TTC34: variants seen among roughly 807,000 people sequenced by gnomAD.
TTC34 encodes tetratricopeptide repeat domain 34.
In TTC34, 44 loss-of-function variants were observed where a neutral mutation model predicts 40.7. That is an observed-to-expected ratio of 1.08 (90% CI 0.85 to 1.39). TTC34 has a LOEUF of 1.39. Ranked by LOEUF, TTC34 falls within the 40% of genes most tolerant of loss-of-function variation. The pLI is 0.00. For synonymous variants in TTC34, 422 were observed against 398.6 expected, an observed-to-expected ratio of 1.06 and a Z score of -0.70; for missense variants, 884 against 838.0, an observed-to-expected ratio of 1.05 and a Z score of -0.68.
At chr1:2,649,490 T>TGAGC (rs1231752046) in intron 6 of TTC34, among the ~76,000 whole-genome samples, 4 of 151,732 alleles carry the variant, frequency 2.6e-5, no homozygotes, top group Non-Finnish European at 4.4e-5. Context: ...CACCCCAAGG[T>TGAGC]GAGCATTTGA....
At chr1:2,688,084 G>A (rs1178021780) in intron 6 of TTC34, among the ~76,000 whole-genome samples, 8 of 134,122 alleles carry the variant, frequency 6.0e-5, no homozygotes, top group African/African-American at 1.8e-4. Context: ...ACAGCACCCT[G>A]CACCCCCAGG....
intron 4 of TTC34, among the ~76,000 whole-genome samples, chr1:2,787,241 C>A (rs192840628): frequency 2.6e-5 from 4 of 152,182 alleles, no homozygotes; most frequent in Admixed American, 2.6e-4. Context: ...GGGAAACTGC[C>A]GGCCCCGGGG....
chr1:2,751,523 T>C (rs1641318849), intron 6 of TTC34, among the ~76,000 whole-genome samples: 5 of 46,520 alleles, frequency 1.1e-4, no homozygotes, highest in Admixed American at 5.7e-4. Context: ...AACAGCACCC[T>C]GCACCCCCAG....
At chr1:2,794,287 A>C (rs1343541837) in intron 2 of TTC34, among the ~76,000 whole-genome samples, 1 of 152,204 alleles carries the variant, frequency 6.6e-6, no homozygotes, top group African/African-American at 2.4e-5. Context: ...GATTACAGGC[A>C]TGAGCCACTG....
intron 6 of TTC34, among the ~76,000 whole-genome samples, chr1:2,686,215 C>G (rs555651041): frequency 0.011 from 1,623 of 142,592 alleles, 24 homozygotes; most frequent in African/African-American, 0.035. Context: ...AGGCGAGCAT[C>G]TGACAGCCTG....
At chr1:2,769,544 C>A (rs1159039522) in intron 6 of TTC34, among the ~76,000 whole-genome samples, 2 of 122,586 alleles carry the variant, frequency 1.6e-5, no homozygotes, top group Admixed American at 8.0e-5. Flanking sequence ...AGCAGCACCC[C>A]ACACCTCCAG....
chr1:2,648,578 C>T (rs541129443), intron 6 of TTC34, among the ~76,000 whole-genome samples: 1 of 152,040 alleles, frequency 6.6e-6, no homozygotes, highest in Non-Finnish European at 1.5e-5. Flanking sequence ...CCTGGAATGG[C>T]ACCCACATCC....
intron 6 of TTC34, among the ~76,000 whole-genome samples, chr1:2,688,378 G>A (rs1426648471): frequency 9.9e-5 from 15 of 152,068 alleles, no homozygotes; most frequent in Non-Finnish European, 1.8e-4. Context: ...ACGCCCAGGT[G>A]AGCATCTGAC....
Position 2,645,939 on chromosome 1 carries a change from C to T in TTC34, c.2227-376G>A, listed in dbSNP as rs149637186. Among the ~76,000 whole-genome samples the T allele has an allele frequency of 6.0e-4, 91 of 152,320 alleles. 1 individual carries two copies. In the East Asian group the frequency reaches 0.017, roughly 29 times the overall value. ...TAGCTGGCTCCCTCCACGCCTGTCC[C>T]TCCCCACAGGGGCATCTGTCACCTC... On this transcript the variant is annotated intron_variant, in intron 6 of 8. Coordinates refer to ENST00000401095, the Ensembl canonical transcript of TTC34. The surrounding 1 kb of genome is among the most constrained non-coding windows in gnomAD (Gnocchi z 4.7).
At chr1:2,756,063 A>ACCCACAGG (rs1641495196) in intron 6 of TTC34, among the ~76,000 whole-genome samples, 1 of 78,312 alleles carries the variant, frequency 1.3e-5, no homozygotes, top group East Asian at 4.1e-4. Context: ...CAGCACCCAT[A>ACCCACAGG]CGCCAAGATG....
intron 6 of TTC34, among the ~76,000 whole-genome samples, chr1:2,683,663 G>T (rs1261911476): frequency 2.8e-5 from 4 of 142,208 alleles, no homozygotes; most frequent in South Asian, 4.4e-4. Context: ...GCCTGGAGCA[G>T]CACGCTGCAC....
rs1203284459 is a variant in TTC34 at position 2,691,775 on chromosome 1, C to A, written c.2227-46212G>T. ...GCAAGCATCTGAACGCAAATAGCAG[C>A]ACCCACACCCCCAGGCGAGCATCCG... On this transcript the variant is annotated intron_variant, in intron 6 of 8. Transcript: ENST00000401095. Among the ~76,000 whole-genome samples, 12 of 94,682 alleles carry A rather than the reference C, an allele frequency of 1.3e-4. 1 individual carries two copies. The highest frequency in any genetic ancestry group is 3.5e-4 in the African/African-American group (10 of 28,340). 62.1% of individuals were successfully genotyped at this position (94,682 alleles called of 152,430 possible).
Position 2,655,974 on chromosome 1 carries a change from C to A in TTC34, c.2227-10411G>T, listed in dbSNP as rs1374161477. On this transcript the variant is annotated intron_variant, in intron 6 of 8. Coordinates refer to ENST00000401095, the Ensembl canonical transcript of TTC34. Reference sequence around the variant, plus strand: ...CTGACAACCAGGAGCAGCACCCACACCCCCAGGCGAGCATCTGAACGCACG... The same window carrying A: ...CTGACAACCAGGAGCAGCACCCACAACCCCAGGCGAGCATCTGAACGCACG... Among the ~76,000 whole-genome samples the A allele has an allele frequency of 8.9e-3, 1,196 of 134,756 alleles. 1 individual carries two copies. The highest frequency in any genetic ancestry group is 0.016 in the African/African-American group (542 of 33,916). 88.4% of individuals were successfully genotyped at this position (134,756 alleles called of 152,430 possible).
chr1:2,753,429 T>C (rs1424867478), intron 6 of TTC34, among the ~76,000 whole-genome samples: 5 of 102,596 alleles, frequency 4.9e-5, no homozygotes, highest in African/African-American at 1.9e-4. Flanking sequence ...CAGGTGAGCA[T>C]CTGACAGCCT....
At chr1:2,684,314 A>T (rs1640217811) in intron 6 of TTC34, among the ~76,000 whole-genome samples, 1 of 136,188 alleles carries the variant, frequency 7.3e-6, no homozygotes, top group South Asian at 2.3e-4. Flanking sequence ...CGGCACCCAC[A>T]CCCCCAAGTG....
chr1:2,687,410 A>G (rs1362706222), intron 6 of TTC34, among the ~76,000 whole-genome samples: 16 of 151,338 alleles, frequency 1.1e-4, no homozygotes, highest in African/African-American at 3.7e-4. Flanking sequence ...CCACACCCCC[A>G]GGTGAGCATC....
intron 6 of TTC34, among the ~76,000 whole-genome samples, chr1:2,687,757 G>A (rs1640430959): frequency 1.3e-5 from 2 of 150,586 alleles, no homozygotes; most frequent in East Asian, 3.9e-4. Flanking sequence ...GCCTGGAGCA[G>A]AACCCACACC....
At position 2,752,950 on chromosome 1, in the gene TTC34, C is replaced by A. The variant is rs1370235952; in HGVS notation, c.2226+30659G>T. 1.7e-4 allele frequency among the ~76,000 whole-genome samples: 17 copies of A among 102,308 alleles called. 1 individual carries two copies. Among genetic ancestry groups the A allele is most frequent in the Admixed American group, 4.3e-4 (4 of 9,284 alleles). 67.1% of individuals were successfully genotyped at this position (102,308 alleles called of 152,430 possible). A position where few individuals can be genotyped will look rare whatever the true frequency, so the allele number is the denominator to read the frequency against. On this transcript the variant is annotated intron_variant, in intron 6 of 8. Transcript: ENST00000401095. ...GCTCCCACAACCCCAGGTGAGCATC[C>A]GATAGCCTGGAGCAACACCCATACC...
chr1:2,653,642 ATC>A (rs1639231376), intron 6 of TTC34, among the ~76,000 whole-genome samples: 5 of 125,464 alleles, frequency 4.0e-5, no homozygotes, highest in South Asian at 2.8e-4. Flanking sequence ...CTGGAGCAGC[ATC>A]CACACCCCCA....
Sources: gnomAD v4.1 joint callset for allele counts (sites outside exome capture counted in the v4.1 genomes callset) on GRCh38, gnomAD v4.1.1 for gene constraint, Gnocchi (gnomAD v3.1) non-coding constraint, MANE v1.5 for transcripts, NCBI Gene and HGNC (gene_info 2026-07-23, HGNC 2026-07-21) for gene names.